POGLUT1: variants seen among roughly 807,000 people sequenced by gnomAD.
POGLUT1 encodes the protein 9630046K23Rik.
In POGLUT1, 32 loss-of-function variants were observed where a neutral mutation model predicts 61.3. The observed-to-expected ratio is 0.52, with a 90% CI of 0.39 to 0.70. The LOEUF (loss-of-function observed/expected upper bound fraction) is 0.70, where lower values mean the gene tolerates loss of function less well. Among genes scored for constraint, POGLUT1 ranks in the 30% least tolerant of loss-of-function variants. POGLUT1 has a pLI of 0.00. For missense variants in POGLUT1, 411 were observed against 469.8 expected, an observed-to-expected ratio of 0.87 and a Z score of 1.16; for synonymous variants, 158 against 158.2, an observed-to-expected ratio of 1.00 and a Z score of 0.01.
intron 7 of POGLUT1, 173 bp from the exon 8 acceptor site, chr3:119,488,756 T>TC: frequency 2.5e-6 from 1 of 404,058 alleles, no homozygotes; most frequent in Non-Finnish European, 4.5e-6. Flanking sequence ...AATCTCAACT[T>TC]CCAAAGCCTT....
chr3:119,471,169 A>C, intron 2 of POGLUT1, 140 bp from the exon 3 acceptor site: 1 of 721,552 alleles, frequency 1.4e-6, no homozygotes, highest in Non-Finnish European at 2.4e-6. Flanking sequence ...CTTCTAGGGA[A>C]GAGCTGCTCA....
chr3:119,486,705 C>G (rs1019583413), intron 6 of POGLUT1, 128 bp from the exon 7 acceptor site: 2 of 729,942 alleles, frequency 2.7e-6, no homozygotes, highest in Non-Finnish European at 4.9e-6. Flanking sequence ...TCCGCTGTCA[C>G]GTCACCAGTG....
chr3:119,482,459 G>A (rs990685097), intron 5 of POGLUT1, among the ~76,000 whole-genome samples: 2 of 152,022 alleles, frequency 1.3e-5, no homozygotes, highest in African/African-American at 4.8e-5. Context: ...AAACTCCTGG[G>A]GTCAAGGTGT....
rs143147855 is a variant in POGLUT1, at chr3:119,489,292, T to G, written c.797+305T>G. The G allele has an allele frequency of 1.2e-3, 246 of 205,380 alleles. 3 individuals are homozygous for G. The highest frequency in any genetic ancestry group is 5.4e-3 in the African/African-American group (236 of 43,856). 12.7% of individuals were successfully genotyped at this position (205,380 alleles called of 1,614,324 possible). On this transcript the variant is annotated intron_variant, in intron 8 of 10. Coordinates refer to ENST00000295588, the MANE Select transcript of POGLUT1 (RefSeq NM_152305.3). ...GAAGTTAGAATAAATATTTCTCAGT[T>G]AATAAATATTAGAATTATTATCCTG...
chr3:119,480,720 T>G (rs1170708421), intron 5 of POGLUT1, among the ~76,000 whole-genome samples: 10 of 151,656 alleles, frequency 6.6e-5, no homozygotes, highest in Admixed American at 5.9e-4. Flanking sequence ...GACTTTTGTT[T>G]TGTATTTTAA....
intron 3 of POGLUT1, among the ~76,000 whole-genome samples, chr3:119,475,486 A>G (rs1311424275): frequency 6.6e-6 from 1 of 152,326 alleles, no homozygotes; most frequent in Middle Eastern, 3.4e-3. Context: ...TCCTAAAAGT[A>G]TAATAACTAG....
At chr3:119,492,170 A>T in intron 10 of POGLUT1, 112 bp from the exon 11 acceptor site, 1 of 694,628 alleles carries the variant, frequency 1.4e-6, no homozygotes, top group Non-Finnish European at 2.3e-6. Context: ...CAAATGAATT[A>T]ATTTATATAA....
In POGLUT1 at chr3:119,487,656, G is replaced by A. The variant is rs551885193; in HGVS notation, c.738+724G>A. On this transcript the variant is annotated intron_variant, in intron 7 of 10. Transcript: ENST00000295588. The stretch of plus-strand genomic sequence containing the variant: ...ATGGGCACTGAAATTTGAATTTCAT[G>A]TAATTTTAAGTTGTCATAAAATATT... Among the ~76,000 whole-genome samples the A allele has an allele frequency of 2.0e-3, 304 of 152,186 alleles. 1 individual carries two copies. Among genetic ancestry groups the A allele is most frequent in the Non-Finnish European group, 3.4e-3 (232 of 68,000 alleles).
rs2081781752 is a variant in POGLUT1 at position 119,493,802 on chromosome 3, G to GCTTTTTTT, written c.*1364_*1365insCTTTTTTT. The GCTTTTTTT allele has an allele frequency of 9.8e-6, 1 of 101,566 alleles. No individual in the cohort carries two copies. The highest frequency in any genetic ancestry group is 3.5e-4 in the South Asian group (1 of 2,830). The allele number at this position is 101,566 out of a possible 1,614,324, so 6.3% of individuals were successfully genotyped here. A position where few individuals can be genotyped will look rare whatever the true frequency, so the allele number is the denominator to read the frequency against. On this transcript the variant is annotated 3_prime_UTR_variant, in exon 11 of 11. Coordinates refer to ENST00000295588, the MANE Select transcript of POGLUT1 (RefSeq NM_152305.3). ...TGGAATAAGCAGATGTTTAAAGTTGGATTTTTTTTTTTTTTTTTTTTTGAG... is the reference window on the plus strand; with the variant it reads ...TGGAATAAGCAGATGTTTAAAGTTGGCTTTTTTTATTTTTTTTTTTTTTTTTTTTTGAG...
chr3:119,473,815 C>T (rs1200578105), intron 3 of POGLUT1, among the ~76,000 whole-genome samples: 4 of 151,974 alleles, frequency 2.6e-5, no homozygotes, highest in Non-Finnish European at 5.9e-5. Context: ...CGCCCGCCAC[C>T]ACACCTGGCT....
chr3:119,490,514 A>C, intron 8 of POGLUT1, 37 bp from the exon 9 acceptor site: 1 of 1,574,594 alleles, frequency 6.4e-7, no homozygotes, highest in Non-Finnish European at 8.7e-7. Context: ...GGCAGCAGGC[A>C]TATAGTATCA....
chr3:119,471,198 T>G, intron 2 of POGLUT1, 111 bp from the exon 3 acceptor site: 2 of 903,522 alleles, frequency 2.2e-6, no homozygotes, highest in Non-Finnish European at 1.8e-6. Context: ...CTCGATTCTT[T>G]CCTTCCACTT....
chr3:119,477,259 T>C, intron 3 of POGLUT1, 54 bp from the exon 4 acceptor site: 1 of 1,580,602 alleles, frequency 6.3e-7, no homozygotes. Flanking sequence ...CCTCGCCTTG[T>C]CCTAGAGCCT....
At chr3:119,476,907 A>C (rs1446093552) in intron 3 of POGLUT1, among the ~76,000 whole-genome samples, 1 of 152,254 alleles carries the variant, frequency 6.6e-6, no homozygotes, top group Admixed American at 6.5e-5. Flanking sequence ...TGTGAGGAGC[A>C]AAGCCAAAGG....
intron 2 of POGLUT1, among the ~76,000 whole-genome samples, chr3:119,471,024 G>C (rs2081464122): frequency 6.6e-6 from 1 of 152,202 alleles, no homozygotes; most frequent in African/African-American, 2.4e-5. Flanking sequence ...ACACAGGTGT[G>C]GCATGAGTAG....
At position 119,490,674 on chromosome 3, in the gene POGLUT1, A is replaced by G. The variant is rs2081733419; in HGVS notation, c.921A>G (p.Pro307=). The change falls in exon 9 of 11, where the codon CCA becomes CCG. Residue 307 remains proline (P), a synonymous_variant. Coordinates refer to ENST00000295588, the MANE Select transcript of POGLUT1 (RefSeq NM_152305.3). The part of the protein sequence containing the change: ...WLEFFYPQLK[P]WVHYIPVKTD... ...AATTCTTCTATCCACAGCTGAAGCCATGGGTTCACTATATCCCAGTCAAAA... is the reference window on the plus strand; with the variant it reads ...AATTCTTCTATCCACAGCTGAAGCCGTGGGTTCACTATATCCCAGTCAAAA... The G allele has an allele frequency of 6.2e-7, 1 of 1,614,136 alleles. No individual in the cohort carries two copies. Among genetic ancestry groups the G allele is most frequent in the Non-Finnish European group, 8.5e-7 (1 of 1,179,982 alleles).
chr3:119,480,310 G>C (rs58639515), intron 5 of POGLUT1, 138 bp downstream of exon 5: 4 of 549,682 alleles, frequency 7.3e-6, no homozygotes, highest in Non-Finnish European at 1.1e-5. Context: ...GTGCAATGGC[G>C]TGATCTCAGC....
Position 119,493,732 on chromosome 3 carries a change from A to G in POGLUT1, c.*1294A>G, listed in dbSNP as rs1387267690. 6.6e-6 allele frequency: 1 copy of G among 151,936 alleles called. No individual in the cohort carries two copies. Among genetic ancestry groups the G allele is most frequent in the Admixed American group, 6.5e-5 (1 of 15,270 alleles). The allele number at this position is 151,936 out of a possible 1,614,324, so 9.4% of individuals were successfully genotyped here. A position where few individuals can be genotyped will look rare whatever the true frequency, so the allele number is the denominator to read the frequency against. The stretch of plus-strand genomic sequence containing the variant: ...TCCTTTCCACAAAAGTTTAAGTCTA[A>G]TGACCTTCTTAGAGAAGTTGAGCAT... On this transcript the variant is annotated 3_prime_UTR_variant, in exon 11 of 11. Coordinates refer to ENST00000295588, the MANE Select transcript of POGLUT1 (RefSeq NM_152305.3).
At position 119,492,063 on chromosome 3, in the gene POGLUT1, A is replaced by AATAT. The variant is rs1436819023; in HGVS notation, c.1023-216_1023-215insTATA. 3.2e-4 allele frequency among the ~76,000 whole-genome samples: 48 copies of AATAT among 152,130 alleles called. 1 individual carries two copies. Among genetic ancestry groups the AATAT allele is most frequent in the South Asian group, 6.2e-4 (3 of 4,814 alleles). ...GAGCGAAACTCCGTCTCAAAAAATAAATAAATAAATAAATAAATAAAGGAA... is the reference window on the plus strand; with the variant it reads ...GAGCGAAACTCCGTCTCAAAAAATAAATATATAAATAAATAAATAAATAAAGGAA... On this transcript the variant is annotated intron_variant, in intron 10 of 10. Coordinates refer to ENST00000295588, the MANE Select transcript of POGLUT1 (RefSeq NM_152305.3).
Sources: gnomAD v4.1 joint callset for allele counts (sites outside exome capture counted in the v4.1 genomes callset) on GRCh38, gnomAD v4.1.1 for gene constraint, MANE v1.5 for transcripts, NCBI Gene and HGNC (gene_info 2026-07-23, HGNC 2026-07-21) for gene names.